Variants in AGMO observed in about 807,000 individuals in gnomAD.
AGMO encodes the protein alkylglycerol monooxygenase, also known as glyceryl-ether monooxygenase.
A neutral mutation model predicts 60.2 loss-of-function variants in AGMO; 75 were observed. That is an observed-to-expected ratio of 1.25 (90% CI 1.03 to 1.51). The LOEUF (loss-of-function observed/expected upper bound fraction) is 1.51. Among genes scored for constraint, AGMO ranks in the 40% most tolerant of loss-of-function variants. The pLI, the probability that AGMO is intolerant of heterozygous loss-of-function variation, is 0.00. For missense variants in AGMO, 763 were observed against 525.5 expected, an observed-to-expected ratio of 1.45 and a Z score of -4.42; for synonymous variants, 261 against 177.1, an observed-to-expected ratio of 1.47 and a Z score of -3.76.
At chr7:15,143,157 C>T in the AGMO span, among the ~76,000 whole-genome samples, 1 of 152,100 alleles carries the variant, frequency 6.6e-6, no homozygotes, top group South Asian at 2.1e-4. Flanking sequence ...ATCTTTATTT[C>T]TTCTGACAGT....
chr7:15,184,260 GGAGA>G, the AGMO span, among the ~76,000 whole-genome samples: 10 of 146,822 alleles, frequency 6.8e-5, no homozygotes, highest in African/African-American at 2.5e-4. Context: ...AGGGAGGGAG[GGAGA>G]AAGGGAGGAA....
intron 3 of AGMO, among the ~76,000 whole-genome samples, chr7:15,532,907 C>T (rs1784404654): frequency 6.6e-6 from 1 of 152,078 alleles, no homozygotes; most frequent in African/African-American, 2.4e-5. Context: ...GGTAGGATGG[C>T]TTGAGCCCAA....
intron 12 of AGMO, among the ~76,000 whole-genome samples, chr7:15,330,898 C>G (rs1293832344): frequency 6.6e-6 from 1 of 152,030 alleles, no homozygotes; most frequent in Non-Finnish European, 1.5e-5. Flanking sequence ...TTCAAATATT[C>G]TGTAAGCCCC....
At chr7:15,218,733 G>T (rs990314411) in intron 12 of AGMO, among the ~76,000 whole-genome samples, 7 of 152,062 alleles carry the variant, frequency 4.6e-5, no homozygotes, top group African/African-American at 1.4e-4. Context: ...ATTCCTGCTG[G>T]CCTGAGAGAC....
At chr7:15,361,892 CTAGA>C in intron 12 of AGMO, among the ~76,000 whole-genome samples, 1 of 152,164 alleles carries the variant, frequency 6.6e-6, no homozygotes, top group South Asian at 2.1e-4. Flanking sequence ...AGCTAGCCTT[CTAGA>C]TAGAGAAGAG....
the AGMO span, among the ~76,000 whole-genome samples, chr7:15,120,171 AT>A: frequency 6.6e-6 from 1 of 152,028 alleles, no homozygotes; most frequent in African/African-American, 2.4e-5. Context: ...TAGATCTTTC[AT>A]TTACTGTCTC....
At chr7:15,530,724 T>C (rs1784290036) in intron 3 of AGMO, among the ~76,000 whole-genome samples, 2 of 142,090 alleles carry the variant, frequency 1.4e-5, no homozygotes, top group African/African-American at 5.1e-5. Flanking sequence ...CATTTCTATA[T>C]AGATATTCTA....
chr7:15,291,925 A>G (rs1218450541), intron 12 of AGMO, among the ~76,000 whole-genome samples: 1 of 152,148 alleles, frequency 6.6e-6, no homozygotes, highest in Admixed American at 6.5e-5. Context: ...ATTGGACATG[A>G]CCTGTGTAGA....
intron 5 of AGMO, among the ~76,000 whole-genome samples, chr7:15,402,004 C>A (rs1784562750): frequency 6.6e-6 from 1 of 151,972 alleles, no homozygotes; most frequent in South Asian, 2.1e-4. Context: ...CTGTGGGTCT[C>A]CTTATTCACT....
chr7:15,387,987 A>C (rs1448696428), intron 8 of AGMO, among the ~76,000 whole-genome samples: 3 of 149,156 alleles, frequency 2.0e-5, no homozygotes, highest in Admixed American at 6.7e-5. Context: ...GGCTCACTAC[A>C]ACCTCTGCCT....
intron 3 of AGMO, among the ~76,000 whole-genome samples, chr7:15,503,638 TATTCC>T (rs1486275326): frequency 6.6e-6 from 1 of 152,094 alleles, no homozygotes; most frequent in African/African-American, 2.4e-5. Context: ...CATTTGTCTG[TATTCC>T]ATTCATCTTT....
chr7:15,380,376 T>A (rs1287448314), intron 10 of AGMO, among the ~76,000 whole-genome samples: 1 of 151,964 alleles, frequency 6.6e-6, no homozygotes, highest in Admixed American at 6.6e-5. Flanking sequence ...ACAGTCAAAC[T>A]GAGAGCAAAA....
chr7:15,378,625 T>A (rs907936218), intron 10 of AGMO, among the ~76,000 whole-genome samples: 1 of 151,790 alleles, frequency 6.6e-6, no homozygotes, highest in African/African-American at 2.4e-5. Flanking sequence ...ACTGACAATA[T>A]TAGATCATCC....
chr7:15,357,313 C>T (rs1251719299), intron 12 of AGMO, among the ~76,000 whole-genome samples: 2 of 151,476 alleles, frequency 1.3e-5, no homozygotes, highest in Admixed American at 1.3e-4. Context: ...TCCTTACATT[C>T]ATCTTGTAGC....
At chr7:15,161,575 A>G in the AGMO span, among the ~76,000 whole-genome samples, 87 of 151,632 alleles carry the variant, frequency 5.7e-4, no homozygotes, top group Middle Eastern at 3.5e-3. Flanking sequence ...GATTTTACAT[A>G]TATGTGTATA....
chr7:15,304,266 T>C (rs1338951054), intron 12 of AGMO, among the ~76,000 whole-genome samples: 1 of 152,048 alleles, frequency 6.6e-6, no homozygotes, highest in African/African-American at 2.4e-5. Flanking sequence ...GTCTCTTTCA[T>C]CCCTTTCTCT....
chr7:15,194,012 TTCTGCTAACAA>T, the AGMO span, among the ~76,000 whole-genome samples: 1 of 152,212 alleles, frequency 6.6e-6, no homozygotes, highest in Non-Finnish European at 1.5e-5. Flanking sequence ...CAAGAAATTT[TTCTGCTAACAA>T]TCAATCTCTT....
chr7:15,148,247 T>A, the AGMO span, among the ~76,000 whole-genome samples: 2 of 152,176 alleles, frequency 1.3e-5, no homozygotes, highest in Non-Finnish European at 2.9e-5. Context: ...GTAAATCTCT[T>A]ATGAGTAAAA....
chr7:15,336,827 A>G (rs1407975662), intron 12 of AGMO, among the ~76,000 whole-genome samples: 1 of 152,204 alleles, frequency 6.6e-6, no homozygotes, highest in Non-Finnish European at 1.5e-5. Context: ...GCTCTACATA[A>G]CATATATTTC....
Sources: allele counts gnomAD v4.1 joint callset (sites outside exome capture counted in the v4.1 genomes callset), GRCh38; gene constraint gnomAD v4.1.1; transcripts MANE v1.5; gene names NCBI Gene and HGNC (gene_info 2026-07-23, HGNC 2026-07-21).